SLC30A10: variants seen among roughly 807,000 people sequenced by gnomAD.
SLC30A10 encodes solute carrier family 30 member 10.
In SLC30A10, 8 loss-of-function variants were observed where a neutral mutation model predicts 21.7. That is an observed-to-expected ratio of 0.37 (90% CI 0.22 to 0.67). The LOEUF (loss-of-function observed/expected upper bound fraction) is 0.67, where lower values mean the gene tolerates loss of function less well. Ranked by LOEUF, SLC30A10 falls within the 30% of genes least tolerant of loss-of-function variation. SLC30A10 has a pLI of 0.58. For missense variants in SLC30A10, 521 were observed against 642.5 expected, an observed-to-expected ratio of 0.81 and a Z score of 2.04; for synonymous variants, 272 against 279.4, an observed-to-expected ratio of 0.97 and a Z score of 0.26.
intron 1 of SLC30A10, among the ~76,000 whole-genome samples, chr1:219,952,523 C>T (rs964111684): frequency 2.0e-5 from 3 of 152,072 alleles, no homozygotes; most frequent in African/African-American, 4.8e-5. Context: ...GGCCTGGACT[C>T]AAAGTTTTAA....
intron 1 of SLC30A10, among the ~76,000 whole-genome samples, chr1:219,949,435 T>C (rs1202715796): frequency 2.0e-5 from 3 of 152,116 alleles, no homozygotes; most frequent in Non-Finnish European, 4.4e-5. Flanking sequence ...CCATAAAAAA[T>C]GATGAGTTCA....
At chr1:219,928,727 C>A, upstream of SLC30A10, 1 of 371,338 alleles carries the variant, frequency 2.7e-6, no homozygotes. The surrounding 1 kb of genome is among the most constrained non-coding windows in gnomAD (Gnocchi z 6.3). Context: ...TGGCAGGTGG[C>A]CACGAGCCGA....
At chr1:219,927,172 A>G (rs1659845872) in intron 1 of SLC30A10, 67 bp from the exon 2 acceptor site, 7 of 1,528,922 alleles carry the variant, frequency 4.6e-6, no homozygotes, top group Non-Finnish European at 6.3e-6. Context: ...AAACCAATGG[A>G]CTCAAAATAA....
Position 219,914,736 on chromosome 1 carries a change from G to GA in SLC30A10, c.*712dup, listed in dbSNP as rs1391393006. ...ACTGAAATATTCCCTCACTTCCATG[G>GA]AAAAAAATGTATTATATATTTAAGC... On this transcript the variant is annotated 3_prime_UTR_variant, in exon 4 of 4. Transcript: ENST00000366926. The GA allele has an allele frequency of 4.6e-5, 7 of 152,086 alleles. No individual in the cohort carries two copies. The South Asian group carries it at 6.2e-4, about 14-fold the overall frequency. 9.4% of individuals were successfully genotyped at this position (152,086 alleles called of 1,614,324 possible). A position where few individuals can be genotyped will look rare whatever the true frequency, so the allele number is the denominator to read the frequency against.
At chr1:219,929,217 G>A (rs1659926966), upstream of SLC30A10, among the ~76,000 whole-genome samples, 1 of 152,148 alleles carries the variant, frequency 6.6e-6, no homozygotes, top group African/African-American at 2.4e-5. Context: ...GCACAAGATC[G>A]TCCCCGTTCC....
chr1:219,932,104 C>G (rs1329842638), upstream of SLC30A10, among the ~76,000 whole-genome samples: 3 of 150,688 alleles, frequency 2.0e-5, no homozygotes, highest in Admixed American at 2.0e-4. Context: ...ACTCTTGTCA[C>G]CCAGGCTGGA....
intron 1 of SLC30A10, among the ~76,000 whole-genome samples, chr1:219,938,828 T>C (rs113559928): frequency 0.019 from 2,858 of 152,234 alleles, 90 homozygotes; most frequent in African/African-American, 0.063. Context: ...CCCATGGAGA[T>C]TGAGCCTGTG....
Position 219,918,882 on chromosome 1 carries a change from A to G in SLC30A10, c.719-388T>C, listed in dbSNP as rs187030314. On this transcript the variant is annotated intron_variant, in intron 2 of 3. Coordinates refer to ENST00000366926, the MANE Select transcript of SLC30A10 (RefSeq NM_018713.3). The surrounding 1 kb of genome is among the most constrained non-coding windows in gnomAD (Gnocchi z 4.4). ...ATCTGTGCTTTACGTTGTTTTAAAC[A>G]TGTTTAAGGGGAGAGAGAACAAGTT... The G allele has an allele frequency of 4.1e-5, 7 of 170,116 alleles. No homozygotes were observed. The highest frequency in any genetic ancestry group is 3.3e-4 in the East Asian group (2 of 6,140). The allele number at this position is 170,116 out of a possible 1,614,324, so 10.5% of individuals were successfully genotyped here.
Position 219,913,806 on chromosome 1 carries a change from T to G in SLC30A10, c.*1643A>C, listed in dbSNP as rs2102522847. ...AGGAATAAAGAATTTCCTGGCCAGG[T>G]GCAGTGGCTCATGACTGTTCTCCCA... On this transcript the variant is annotated 3_prime_UTR_variant, in exon 4 of 4. Transcript: ENST00000366926. 6.6e-6 allele frequency: 1 copy of G among 152,208 alleles called. No individual in the cohort carries two copies. The highest frequency in any genetic ancestry group is 1.5e-5 in the Non-Finnish European group (1 of 68,006). 9.4% of individuals were successfully genotyped at this position (152,208 alleles called of 1,614,324 possible).
At chr1:219,929,469 C>T (rs1659931328), upstream of SLC30A10, among the ~76,000 whole-genome samples, 1 of 152,166 alleles carries the variant, frequency 6.6e-6, no homozygotes, top group Non-Finnish European at 1.5e-5. Context: ...GACAGCATGA[C>T]CTGATACGCA....
chr1:219,946,962 C>A (rs1246777238), intron 1 of SLC30A10, among the ~76,000 whole-genome samples: 3 of 152,178 alleles, frequency 2.0e-5, no homozygotes, highest in Non-Finnish European at 2.9e-5. Context: ...TGGCTCTGGT[C>A]AGCATGTGTG....
At chr1:219,947,473 C>A (rs979992727) in intron 1 of SLC30A10, among the ~76,000 whole-genome samples, 1 of 152,154 alleles carries the variant, frequency 6.6e-6, no homozygotes, top group Non-Finnish European at 1.5e-5. Flanking sequence ...GTTGAGGCTG[C>A]TGTGAGCTGT....
At chr1:219,944,516 A>G (rs1036223326) in intron 1 of SLC30A10, among the ~76,000 whole-genome samples, 2 of 152,216 alleles carry the variant, frequency 1.3e-5, no homozygotes, top group African/African-American at 2.4e-5. Context: ...TGGGGAAGAC[A>G]GAGGAAAGAA....
In SLC30A10 at chr1:219,928,055, A is replaced by G; in HGVS notation, c.386T>C (p.Val129Ala). The G allele has an allele frequency of 1.3e-6, 2 of 1,590,722 alleles. No homozygotes were observed. The highest frequency in any genetic ancestry group is 2.3e-5 in the South Asian group (2 of 87,356). Residue 129 changes from valine (V) to alanine (A), a missense_variant, in exon 1 of 4, where the codon GTG (valine) becomes GCG (alanine). Val to Ala is a moderately conservative substitution (Grantham distance 64, BLOSUM62 0). Transcript: ENST00000366926. The surrounding 1 kb of genome is among the most constrained non-coding windows in gnomAD (Gnocchi z 6.3). The part of the protein sequence containing the change: ...VGVLGLLVNV[V>A]GLLIFQDCAA... Reference sequence around the variant, plus strand: ...GCAGTCCTGGAAGATGAGCAGCCCCACCACGTTGACCAACAGCCCCAGGAC... The same window carrying G: ...GCAGTCCTGGAAGATGAGCAGCCCCGCCACGTTGACCAACAGCCCCAGGAC...
chr1:219,940,293 C>A (rs1259103270), intron 1 of SLC30A10, among the ~76,000 whole-genome samples: 3 of 152,194 alleles, frequency 2.0e-5, no homozygotes, highest in Non-Finnish European at 4.4e-5. Flanking sequence ...TACATTGAGA[C>A]CTTCCAGCCC....
intron 2 of SLC30A10, among the ~76,000 whole-genome samples, chr1:219,926,306 C>T (rs1197304225): frequency 1.3e-5 from 2 of 152,202 alleles, no homozygotes; most frequent in Admixed American, 6.5e-5. Flanking sequence ...TAGAGGGTTG[C>T]TTAATCCTTG....
In SLC30A10 at chr1:219,920,670, C is replaced by T. The variant is rs189408952; in HGVS notation, c.719-2176G>A. Among the ~76,000 whole-genome samples, 28 of 152,186 alleles carry T rather than the reference C, an allele frequency of 1.8e-4. 1 individual carries two copies. In the East Asian group the frequency reaches 4.8e-3, roughly 26 times the overall value. ...CATATGCTCCAGGTATTGATTTAAG[C>T]GTATTATACTTACCCATTAAGTCCT... On this transcript the variant is annotated intron_variant, in intron 2 of 3. Coordinates refer to ENST00000366926, the MANE Select transcript of SLC30A10 (RefSeq NM_018713.3).
chr1:219,947,580 G>A (rs996742764), intron 1 of SLC30A10, among the ~76,000 whole-genome samples: 4 of 152,124 alleles, frequency 2.6e-5, no homozygotes, highest in Non-Finnish European at 4.4e-5. Flanking sequence ...CTATTCAGGT[G>A]CAGACAGTAT....
In SLC30A10 at chr1:219,913,460, GATGTGAAATCAAATTAGACCTTCAA is replaced by G. The variant is rs1659461948; in HGVS notation, c.*1964_*1988del. The G allele has an allele frequency of 6.6e-6, 1 of 152,230 alleles. No individual in the cohort carries two copies. Among genetic ancestry groups the G allele is most frequent in the Non-Finnish European group, 1.5e-5 (1 of 68,044 alleles). 9.4% of individuals were successfully genotyped at this position (152,230 alleles called of 1,614,324 possible). ...TTTTCCCTTTTAATAAAGGCAGAAT[GATGTGAAATCAAATTAGACCTTCAA>G]ATTTGGAAGTCAGAGAAAAATTTCT... is the stretch of plus-strand genomic sequence containing the variant. On this transcript the variant is annotated 3_prime_UTR_variant, in exon 4 of 4. Transcript: ENST00000366926.
Sources: gnomAD v4.1 joint callset for allele counts (sites outside exome capture counted in the v4.1 genomes callset) on GRCh38, gnomAD v4.1.1 for gene constraint, Gnocchi (gnomAD v3.1) non-coding constraint, MANE v1.5 for transcripts, NCBI Gene and HGNC (gene_info 2026-07-23, HGNC 2026-07-21) for gene names.